GRM3: variants seen among roughly 807,000 people sequenced by gnomAD.
GRM3 encodes glutamate metabotropic receptor 3, also known as metabotropic glutamate receptor 3.
In GRM3, 26 loss-of-function variants were observed where a neutral mutation model predicts 70.5. That is an observed-to-expected ratio of 0.37 (90% CI 0.27 to 0.51). The LOEUF (loss-of-function observed/expected upper bound fraction) is 0.51, where lower values mean the gene tolerates loss of function less well. Ranked by LOEUF, GRM3 falls within the 20% of genes least tolerant of loss-of-function variation. The pLI, the probability that GRM3 is intolerant of heterozygous loss-of-function variation, is 0.93. For missense variants in GRM3, 859 were observed against 1,123.8 expected (o/e 0.76, Z 3.37); for synonymous variants, 443 against 434.9 (o/e 1.02, Z -0.23).
intron 4 of GRM3, among the ~76,000 whole-genome samples, chr7:86,844,913 G>A (rs1798627086): frequency 6.6e-6 from 1 of 151,852 alleles, no homozygotes; most frequent in Non-Finnish European, 1.5e-5. Flanking sequence ...TTCTTAGATG[G>A]AGTTTCGCTC....
chr7:86,727,264 C>A (rs1355805283), intron 1 of GRM3, among the ~76,000 whole-genome samples: 1 of 152,090 alleles, frequency 6.6e-6, no homozygotes, highest in Non-Finnish European at 1.5e-5. Flanking sequence ...TTTAGAAAGA[C>A]ATGCAAAGTT....
chr7:86,671,615 G>T (rs1376312308), intron 1 of GRM3, among the ~76,000 whole-genome samples: 1 of 152,158 alleles, frequency 6.6e-6, no homozygotes, highest in Non-Finnish European at 1.5e-5. Context: ...CTTAGGATGT[G>T]TCAACATTGG....
chr7:86,831,471 G>A (rs1798350741), intron 3 of GRM3, among the ~76,000 whole-genome samples: 1 of 152,158 alleles, frequency 6.6e-6, no homozygotes, highest in African/African-American at 2.4e-5. Context: ...TCACATTAAA[G>A]AAGGTCCCTA....
intron 1 of GRM3, among the ~76,000 whole-genome samples, chr7:86,686,951 A>G (rs74669722): frequency 0.014 from 2,189 of 152,198 alleles, 14 homozygotes; most frequent in South Asian, 0.02. Context: ...CTGAAAATAT[A>G]AAAATTGAAA....
intron 1 of GRM3, among the ~76,000 whole-genome samples, chr7:86,668,803 C>T (rs931196884): frequency 6.6e-6 from 1 of 152,082 alleles, no homozygotes; most frequent in Non-Finnish European, 1.5e-5. Flanking sequence ...GTTTTCCCTG[C>T]AGTTTGGTTG....
chr7:86,761,788 C>A (rs1185041695), intron 1 of GRM3, among the ~76,000 whole-genome samples: 1 of 152,090 alleles, frequency 6.6e-6, no homozygotes, highest in Non-Finnish European at 1.5e-5. Flanking sequence ...TCTGTTCCTT[C>A]CCTATTTGAA....
chr7:86,738,686 G>T lies in GRM3; in HGVS notation c.-140-26320G>T, dbSNP rs1350343507. 3.3e-5 allele frequency among the ~76,000 whole-genome samples: 5 copies of T among 152,268 alleles called. No individual in the cohort carries two copies. In the South Asian group the frequency reaches 8.3e-4, roughly 25 times the overall value. ...ATACAGTAGATACTGGGATGCAATG[G>T]AAGGGTTTTTAACTGCTACTGACTT... On this transcript the variant is annotated intron_variant, in intron 1 of 5. Coordinates refer to ENST00000361669, the MANE Select transcript of GRM3 (RefSeq NM_000840.3).
Position 86,845,665 on chromosome 7 carries a change from T to C in GRM3, c.2392-4705T>C, listed in dbSNP as rs551195763. ...TTAAGTAATATTTTCCTTAATCAGCTAAAATTAGGATGGGGGAGGGGAGTA... is the reference window on the plus strand; with the variant it reads ...TTAAGTAATATTTTCCTTAATCAGCCAAAATTAGGATGGGGGAGGGGAGTA... On this transcript the variant is annotated intron_variant, in intron 4 of 5. Transcript: ENST00000361669. Among the ~76,000 whole-genome samples the C allele has an allele frequency of 7.2e-5, 11 of 152,234 alleles. No individual in the cohort carries two copies. The East Asian group carries it at 2.1e-3, about 29-fold the overall frequency.
At chr7:86,653,697 T>C (rs1396843526) in intron 1 of GRM3, among the ~76,000 whole-genome samples, 1 of 151,800 alleles carries the variant, frequency 6.6e-6, no homozygotes, top group African/African-American at 2.4e-5. Flanking sequence ...ATTATATTAA[T>C]ATTAATATAT....
At chr7:86,688,343 T>C (rs886540377) in intron 1 of GRM3, among the ~76,000 whole-genome samples, 1 of 151,716 alleles carries the variant, frequency 6.6e-6, no homozygotes, top group African/African-American at 2.4e-5. Context: ...AAAAATTATG[T>C]GGTTAAATTA....
At chr7:86,734,349 A>G (rs1323704522) in intron 1 of GRM3, among the ~76,000 whole-genome samples, 1 of 152,120 alleles carries the variant, frequency 6.6e-6, no homozygotes, top group Non-Finnish European at 1.5e-5. Flanking sequence ...CTTTTCTGGG[A>G]GAAGTATTAG....
chr7:86,811,400 GT>G (rs1797905843), intron 3 of GRM3, among the ~76,000 whole-genome samples: 1 of 151,690 alleles, frequency 6.6e-6, no homozygotes, highest in Non-Finnish European at 1.5e-5. Context: ...GGACCATTTT[GT>G]TTTTCTCCAT....
At chr7:86,755,056 T>C (rs1312368329) in intron 1 of GRM3, among the ~76,000 whole-genome samples, 1 of 152,148 alleles carries the variant, frequency 6.6e-6, no homozygotes, top group Admixed American at 6.6e-5. Flanking sequence ...GGCTCATTCC[T>C]TAACCAACTG....
chr7:86,655,332 C>T (rs903101895), intron 1 of GRM3, among the ~76,000 whole-genome samples: 1 of 152,168 alleles, frequency 6.6e-6, no homozygotes. Flanking sequence ...TTATTCAAAA[C>T]ATCCATGTGG....
chr7:86,864,321 G>A lies in GRM3; in HGVS notation c.2606G>A (p.Arg869Gln), dbSNP rs773651376. 22 of 1,609,862 alleles carry A rather than the reference G, an allele frequency of 1.4e-5. No individual in the cohort carries two copies. The Middle Eastern group carries it at 4.9e-4, about 36-fold the overall frequency. ...TATGTGCCAACGGTGTGCAATGGGCGGGAAGTCCTCGACTCCACCACCTCA... is the reference window on the plus strand; with the variant it reads ...TATGTGCCAACGGTGTGCAATGGGCAGGAAGTCCTCGACTCCACCACCTCA... The part of the protein sequence containing the change: ...STYVPTVCNG[R>Q]EVLDSTTSSL Residue 869 changes from arginine (R) to glutamine (Q), a missense_variant, in exon 6 of 6, where the codon CGG becomes CAG. By Grantham distance (43) the Arg-to-Gln change is conservative (BLOSUM62 1). Transcript: ENST00000361669.
intron 3 of GRM3, among the ~76,000 whole-genome samples, chr7:86,803,405 A>G (rs1797723569): frequency 6.6e-6 from 1 of 152,158 alleles, no homozygotes; most frequent in African/African-American, 2.4e-5. Flanking sequence ...TTCTGTTGCA[A>G]GGGTCTTTTA....
chr7:86,695,799 C>A (rs1794801780), intron 1 of GRM3, among the ~76,000 whole-genome samples: 1 of 152,062 alleles, frequency 6.6e-6, no homozygotes, highest in Non-Finnish European at 1.5e-5. Context: ...CCCTAAAACT[C>A]ACAATATCTA....
chr7:86,765,173 C>T lies in GRM3; in HGVS notation c.28C>T (p.Leu10Phe), dbSNP rs759253023. ...GAAGATGTTGACAAGACTGCAAGTT[C>T]TTACCTTAGCTTTGTTTTCAAAGGG... MKMLTRLQVLTLALFSKGFL... is the reference protein window; with the variant it reads MKMLTRLQVFTLALFSKGFL... Residue 10 changes from leucine to phenylalanine, a missense_variant, in exon 2 of 6, where the codon CTT (leucine) becomes TTT (phenylalanine). Transcript: ENST00000361669. 11 of 1,592,492 alleles carry T rather than the reference C, an allele frequency of 6.9e-6. No homozygotes were observed. Among genetic ancestry groups the T allele is most frequent in the Middle Eastern group, 1.7e-4 (1 of 5,926 alleles).
chr7:86,676,477 A>G (rs563648653), intron 1 of GRM3, among the ~76,000 whole-genome samples: 88 of 152,172 alleles, frequency 5.8e-4, no homozygotes, highest in South Asian at 1.0e-3. Flanking sequence ...ATTAATATAC[A>G]AAGACAGAAT....
Sources: gnomAD v4.1 joint callset for allele counts (sites outside exome capture counted in the v4.1 genomes callset) on GRCh38, gnomAD v4.1.1 for gene constraint, MANE v1.5 for transcripts, NCBI Gene and HGNC (gene_info 2026-07-23, HGNC 2026-07-21) for gene names.